Variants in CD2 observed in about 807,000 individuals in gnomAD.
CD2 encodes the protein T-cell surface antigen CD2.
Under a neutral mutation model 23.2 loss-of-function variants are expected in CD2, and 18 were observed. The observed-to-expected ratio is 0.77, with a 90% CI of 0.54 to 1.15. The LOEUF is 1.15. Among genes scored for constraint, CD2 ranks in the 50% most tolerant of loss-of-function variants. The pLI is 0.00. For synonymous variants in CD2, 162 were observed against 151.9 expected, an observed-to-expected ratio of 1.07 and a Z score of -0.49; for missense variants, 424 against 423.1, an observed-to-expected ratio of 1.00 and a Z score of -0.02.
intron 4 of CD2, among the ~76,000 whole-genome samples, chr1:116,765,618 C>G (rs573215453): frequency 2.7e-4 from 41 of 152,322 alleles, no homozygotes; most frequent in African/African-American, 9.6e-4. Context: ...TTCTTCCCAC[C>G]ACGACTGTCC....
intron 3 of CD2, 103 bp downstream of exon 3, chr1:116,760,735 G>T: frequency 2.4e-6 from 2 of 842,088 alleles, no homozygotes; most frequent in South Asian, 3.1e-5. Context: ...GGCAGCCCTG[G>T]CTCAGGATGA....
chr1:116,755,771 G>A (rs1229859876), intron 2 of CD2, among the ~76,000 whole-genome samples: 1 of 152,138 alleles, frequency 6.6e-6, no homozygotes, highest in East Asian at 1.9e-4. Flanking sequence ...AGGATAATAA[G>A]GGTCAGGCAT....
chr1:116,765,298 G>A (rs1652181532), intron 4 of CD2, among the ~76,000 whole-genome samples: 1 of 152,182 alleles, frequency 6.6e-6, no homozygotes, highest in South Asian at 2.1e-4. Context: ...CCATTGGCGG[G>A]ACTTGCAGCC....
intron 2 of CD2, among the ~76,000 whole-genome samples, chr1:116,759,609 T>C (rs1651969570): frequency 6.6e-6 from 1 of 152,210 alleles, no homozygotes; most frequent in Non-Finnish European, 1.5e-5. Flanking sequence ...CCACTAATAA[T>C]GTCAGTGCCT....
chr1:116,760,345 T>A, intron 2 of CD2, 57 bp from the exon 3 acceptor site: 1 of 1,385,216 alleles, frequency 7.2e-7, no homozygotes, highest in East Asian at 2.4e-5. Context: ...TAAATAGATA[T>A]GTTTATTAAA....
In CD2 at chr1:116,768,775, T is replaced by G. The variant is rs1652303531; in HGVS notation, c.1048T>G (p.Ser350Ala). The change falls in exon 5 of 5, where the codon TCT becomes GCT. Residue 350 changes from serine to alanine, a missense_variant. Transcript: ENST00000369478. ...GAAENSLSPS[S>A]N The stretch of plus-strand genomic sequence containing the variant: ...AGCAGAAAACTCATTGTCCCCTTCC[T>G]CTAATTAAAAAAGATAGAAACTGTC... 7 of 1,607,394 alleles carry G rather than the reference T, an allele frequency of 4.4e-6. No homozygotes were observed. The Middle Eastern group carries it at 6.6e-4, about 152-fold the overall frequency.
chr1:116,765,951 G>A (rs945530886), intron 4 of CD2, among the ~76,000 whole-genome samples: 7 of 152,258 alleles, frequency 4.6e-5, no homozygotes, highest in African/African-American at 1.7e-4. Flanking sequence ...CACAGATGAG[G>A]AAGCTTAAGT....
chr1:116,757,750 T>G lies in CD2; in HGVS notation c.383-2652T>G, dbSNP rs577509059. 1.6e-3 allele frequency among the ~76,000 whole-genome samples: 244 copies of G among 149,328 alleles called. 1 individual carries two copies. The highest frequency in any genetic ancestry group is 4.2e-3 in the South Asian group (19 of 4,566). ...ATTTTTAAAATATTACATATATATA[T>G]ATAGAGAGAGAGAGAGAGAGAGAGA... On this transcript the variant is annotated intron_variant, in intron 2 of 4. Transcript: ENST00000369478.
rs971167196 is a variant in CD2 at position 116,754,450 on chromosome 1, T to A, written c.-43T>A. Reference sequence around the variant, plus strand: ...CCACCAGTCTCACTTCAGTTCCTTTTGCATGAAGAGCTCAGAATCAAAAGA... The same window carrying A: ...CCACCAGTCTCACTTCAGTTCCTTTAGCATGAAGAGCTCAGAATCAAAAGA... On this transcript the variant is annotated 5_prime_UTR_variant, in exon 1 of 5. Coordinates refer to ENST00000369478, the MANE Select transcript of CD2 (RefSeq NM_001767.5). 1 of 1,574,114 alleles carries A rather than the reference T, an allele frequency of 6.4e-7. No homozygotes were observed. The highest frequency in any genetic ancestry group is 1.4e-5 in the African/African-American group (1 of 73,592).
intron 4 of CD2, among the ~76,000 whole-genome samples, chr1:116,766,257 G>A (rs1441229195): frequency 6.6e-6 from 1 of 152,214 alleles, no homozygotes; most frequent in Non-Finnish European, 1.5e-5. Flanking sequence ...GGAGTGGGTA[G>A]GCTGAGGACC....
At chr1:116,767,376 CT>C (rs938143267) in intron 4 of CD2, among the ~76,000 whole-genome samples, 3 of 151,996 alleles carry the variant, frequency 2.0e-5, no homozygotes, top group African/African-American at 7.2e-5. Context: ...GGCAGATCAC[CT>C]GGTCGGGAGT....
intron 3 of CD2, among the ~76,000 whole-genome samples, chr1:116,761,314 A>G (rs1047376377): frequency 1.3e-5 from 2 of 152,162 alleles, no homozygotes; most frequent in African/African-American, 2.4e-5. Context: ...AGAGGTCTGG[A>G]CTTCTAGTTT....
rs916355942 is a variant in CD2 at position 116,754,725 on chromosome 1, T to C, written c.156T>C (p.Asp52=). 6.2e-7 allele frequency: 1 copy of C among 1,613,168 alleles called. No individual in the cohort carries two copies. The highest frequency in any genetic ancestry group is 2.2e-5 in the East Asian group (1 of 44,890). ...ACATTCCTAGTTTTCAAATGAGTGA[T>C]GATATTGACGATATAAAATGGGAAA... ...NLDIPSFQMS[D]DIDDIKWEKT... is the part of the protein sequence containing the mutation. Residue 52 remains aspartate, a synonymous_variant, in exon 2 of 5, where the codon GAT becomes GAC. Transcript: ENST00000369478.
At chr1:116,760,368 C>G in intron 2 of CD2, 34 bp from the exon 3 acceptor site, 1 of 1,563,056 alleles carries the variant, frequency 6.4e-7, no homozygotes, top group African/African-American at 1.4e-5. Flanking sequence ...CAGAAAATTG[C>G]CTAAATTGAA....
At chr1:116,755,902 C>T (rs568584901) in intron 2 of CD2, among the ~76,000 whole-genome samples, 4 of 152,116 alleles carry the variant, frequency 2.6e-5, no homozygotes, top group East Asian at 1.9e-4. Context: ...GAAGAAGCTG[C>T]GCTTGACTTG....
At chr1:116,755,323 C>T (rs564411563) in intron 2 of CD2, among the ~76,000 whole-genome samples, 1 of 152,310 alleles carries the variant, frequency 6.6e-6, no homozygotes, top group South Asian at 2.1e-4. Flanking sequence ...GAAGAAGAGG[C>T]TGACTGGAGA....
At chr1:116,768,027 A>G (rs74579149) in intron 4 of CD2, among the ~76,000 whole-genome samples, 2,299 of 152,300 alleles carry the variant, frequency 0.015, 56 homozygotes, top group African/African-American at 0.052. Flanking sequence ...ATTGGGGGAA[A>G]GGCAGATCTA....
chr1:116,754,642 A>C lies in CD2; in HGVS notation c.73A>C (p.Lys25Gln). Residue 25 changes from lysine to glutamine, a missense_variant, in exon 2 of 5, where the codon AAA (lysine) becomes CAA (glutamine). By Grantham distance (53) the Lys-to-Gln change is moderately conservative (BLOSUM62 1). Transcript: ENST00000369478. ...FNVSSKGAVS[K>Q]EITNALETWG... ...TTTGCTTTTTATAGGTGCAGTCTCCAAAGAGATTACGAATGCCTTGGAAAC... is the reference window on the plus strand; with the variant it reads ...TTTGCTTTTTATAGGTGCAGTCTCCCAAGAGATTACGAATGCCTTGGAAAC... The C allele has an allele frequency of 6.2e-7, 1 of 1,608,194 alleles. No homozygotes were observed. The highest frequency in any genetic ancestry group is 8.5e-7 in the Non-Finnish European group (1 of 1,178,372).
chr1:116,759,428 GAA>G (rs58364188), intron 2 of CD2, among the ~76,000 whole-genome samples: 1,699 of 139,068 alleles, frequency 0.012, 24 homozygotes, highest in African/African-American at 0.042. Context: ...TAAAGAATGA[GAA>G]AAAAAAAAAA....
Sources: gnomAD v4.1 joint callset for allele counts (sites outside exome capture counted in the v4.1 genomes callset) on GRCh38, gnomAD v4.1.1 for gene constraint, MANE v1.5 for transcripts, NCBI Gene and HGNC (gene_info 2026-07-23, HGNC 2026-07-21) for gene names.